The following UMODL1 variants were observed in gnomAD, a reference collection of about 807,000 sequenced individuals.
UMODL1 encodes uromodulin like 1.
UMODL1 carries 128 observed loss-of-function variants against 136.3 expected under a neutral mutation model. That is an observed-to-expected ratio of 0.94 (90% CI 0.81 to 1.09). The LOEUF is 1.09. Among genes scored for constraint, UMODL1 ranks in the 50% least tolerant of loss-of-function variants. The pLI is 0.00. For missense variants in UMODL1, 1,766 were observed against 1,725.6 expected, an observed-to-expected ratio of 1.02 and a Z score of -0.41; for synonymous variants, 721 against 720.0, an observed-to-expected ratio of 1.00 and a Z score of -0.02.
chr21:42,125,479 C>CTT (rs1447792453), intron 17 of UMODL1, among the ~76,000 whole-genome samples: 2 of 152,214 alleles, frequency 1.3e-5, no homozygotes, highest in Admixed American at 6.5e-5. Context: ...CCTCCCTGGG[C>CTT]TGAAGGAGTA....
chr21:42,140,479 A>G (rs915471132), intron 22 of UMODL1, among the ~76,000 whole-genome samples: 4 of 152,038 alleles, frequency 2.6e-5, no homozygotes, highest in Non-Finnish European at 1.5e-5. Flanking sequence ...CTGGGGCTGC[A>G]TGGGATTTCC....
Position 42,141,832 on chromosome 21 carries a change from A to G in UMODL1, c.*22-264A>G, listed in dbSNP as rs2124343. On this transcript the variant is annotated intron_variant, in intron 22 of 22. Transcript: ENST00000408910. ...CCAGCTGTGCTCGTCTGGCTCAGGT[A>G]TCTTCACCAGCCACCCCCACCAGTT... 3.8e-3 allele frequency among the ~76,000 whole-genome samples: 573 copies of G among 152,060 alleles called. 3 individuals are homozygous for G. Among genetic ancestry groups the G allele is most frequent in the African/African-American group, 0.013 (547 of 41,464 alleles).
At chr21:42,078,447 G>A (rs111603693) in intron 2 of UMODL1, among the ~76,000 whole-genome samples, 29 of 38,766 alleles carry the variant, frequency 7.5e-4, no homozygotes, top group Admixed American at 1.2e-3. Context: ...GAAACCAGGC[G>A]GGGCCAGCTG....
chr21:42,122,666 T>C lies in UMODL1; in HGVS notation c.2828-165T>C, dbSNP rs1047862901. Among the ~76,000 whole-genome samples, 2 of 137,126 alleles carry C rather than the reference T, an allele frequency of 1.5e-5. No individual in the cohort carries two copies. The highest frequency in any genetic ancestry group is 3.0e-5 in the African/African-American group (1 of 33,678). 90.0% of individuals were successfully genotyped at this position (137,126 alleles called of 152,430 possible). The stretch of plus-strand genomic sequence containing the variant: ...ACGTGTGTGTGCATATGTGTGCGTG[T>C]GTGTGTGTGTGTGTGCACGTGTGTA... On this transcript the variant is annotated intron_variant, in intron 16 of 22. Coordinates refer to ENST00000408910, the MANE Select transcript of UMODL1 (RefSeq NM_001004416.3). This position sits in a 1 kb window ranked among gnomAD's most constrained non-coding sequence, Gnocchi z 4.3.
At chr21:42,071,186 C>A, upstream of UMODL1, 1 of 959,198 alleles carries the variant, frequency 1.0e-6, no homozygotes, top group East Asian at 3.2e-5. Flanking sequence ...TTGCCACCTG[C>A]AGCAGCACAG....
intron 22 of UMODL1, among the ~76,000 whole-genome samples, chr21:42,138,547 C>T (rs2067238955): frequency 6.6e-6 from 1 of 152,142 alleles, no homozygotes; most frequent in Middle Eastern, 3.4e-3. Context: ...GTGGGAAACA[C>T]CAAGACTGGG....
intron 2 of UMODL1, among the ~76,000 whole-genome samples, chr21:42,083,848 A>T (rs948274429): frequency 1.3e-5 from 2 of 152,210 alleles, no homozygotes; most frequent in Non-Finnish European, 2.9e-5. Context: ...AAACAGAGAC[A>T]CCTAGGACCC....
intron 17 of UMODL1, 42 bp from the exon 18 acceptor site, chr21:42,126,303 G>A (rs759116181): frequency 4.3e-6 from 7 of 1,610,302 alleles, no homozygotes; most frequent in African/African-American, 4.0e-5. Flanking sequence ...GTGGGGGGCC[G>A]GCTGGGGCCT....
At chr21:42,110,323 C>T (rs2066802628) in intron 10 of UMODL1, among the ~76,000 whole-genome samples, 2 of 152,232 alleles carry the variant, frequency 1.3e-5, no homozygotes, top group African/African-American at 4.8e-5. Flanking sequence ...GGCGCCCAGC[C>T]ACTGGCTTGC....
Position 42,109,613 on chromosome 21 carries a change from G to A in UMODL1, c.1571G>A (p.Trp524Ter). The change falls in exon 10 of 23, where the codon TGG becomes TAG. Residue 524 changes from tryptophan (W) to a stop codon, truncating the protein, a stop_gained. Coordinates refer to ENST00000408910, the MANE Select transcript of UMODL1 (RefSeq NM_001004416.3). LOFTEE classifies it high-confidence loss of function. Reference protein sequence around the residue: ...SAEHDCSPAAWCINLEGSYTC... With the variant: ...SAEHDCSPAA ...GAACACGACTGCTCACCGGCTGCCT[G>A]GTGCATCAACCTGGAGGGCTCCTAC... is the stretch of plus-strand genomic sequence containing the variant. 6.2e-7 allele frequency: 1 copy of A among 1,611,320 alleles called. No individual in the cohort carries two copies. The highest frequency in any genetic ancestry group is 8.5e-7 in the Non-Finnish European group (1 of 1,180,022).
At chr21:42,069,267 C>CACACACACAA (rs2066209068), upstream of UMODL1, among the ~76,000 whole-genome samples, 1 of 150,800 alleles carries the variant, frequency 6.6e-6, no homozygotes, top group South Asian at 2.1e-4. Context: ...CACACACACA[C>CACACACACAA]AAACAGCAGG....
chr21:42,091,644 C>T (rs553256645), intron 6 of UMODL1, among the ~76,000 whole-genome samples: 59 of 152,312 alleles, frequency 3.9e-4, no homozygotes, highest in African/African-American at 1.1e-3. Context: ...GGAAAGAAGA[C>T]GGAATCCAGA....
intron 22 of UMODL1, among the ~76,000 whole-genome samples, chr21:42,139,454 C>A (rs978753613): frequency 6.6e-6 from 1 of 152,048 alleles, no homozygotes; most frequent in Admixed American, 6.6e-5. Context: ...ATGAAGGATC[C>A]GCCCCATGAT....
intron 15 of UMODL1, 137 bp from the exon 16 acceptor site, chr21:42,120,950 T>C: frequency 8.9e-7 from 1 of 1,126,426 alleles, no homozygotes; most frequent in South Asian, 1.6e-5. Context: ...TTTCCAGAAC[T>C]GGTGAGCTTG....
In UMODL1 at chr21:42,127,158, A is replaced by G; in HGVS notation, c.3446A>G (p.Asn1149Ser). The G allele has an allele frequency of 6.2e-7, 1 of 1,614,156 alleles. No individual in the cohort carries two copies. The highest frequency in any genetic ancestry group is 1.1e-5 in the South Asian group (1 of 91,066). Residue 1149 changes from asparagine to serine, a missense_variant, in exon 19 of 23, where the codon AAC becomes AGC. Physicochemically the swap from Asn to Ser is conservative, Grantham distance 46. Transcript: ENST00000408910. ...IEVGLYRQKS[N>S]LKVVLTECWA... ...GTGGGGCTCTACAGGCAGAAAAGCA[A>G]CCTCAAGGTGGTCCTGACGGAGTGC...
intron 21 of UMODL1, among the ~76,000 whole-genome samples, chr21:42,131,936 A>G (rs1236311657): frequency 3.9e-5 from 6 of 152,230 alleles, no homozygotes; most frequent in Admixed American, 3.9e-4. Flanking sequence ...GTTCTCATTA[A>G]TAGATAATGT....
At chr21:42,103,408 C>T (rs538745409) in intron 8 of UMODL1, 6 of 337,472 alleles carry the variant, frequency 1.8e-5, no homozygotes, top group South Asian at 7.0e-5. Context: ...GCATGGGTAG[C>T]CCTAAGCACC....
At position 42,091,672 on chromosome 21, in the gene UMODL1, G is replaced by A. The variant is rs143870658; in HGVS notation, c.931+1234G>A. On this transcript the variant is annotated intron_variant, in intron 6 of 22. Coordinates refer to ENST00000408910, the MANE Select transcript of UMODL1 (RefSeq NM_001004416.3). The stretch of plus-strand genomic sequence containing the variant: ...AATCCAGATGTCTTGACTGAACAGT[G>A]GAGTAGAAGGTGTTTCCATTGGAGA... 4.9e-3 allele frequency among the ~76,000 whole-genome samples: 746 copies of A among 152,370 alleles called. 5 individuals carry two copies. The highest frequency in any genetic ancestry group is 0.01 in the Middle Eastern group (3 of 294).
rs144431927 is a variant in UMODL1 at position 42,134,677 on chromosome 21, C to T, written c.3776-2762C>T. Reference sequence around the variant, plus strand: ...TTGCCCAGGCTGGAGTGCAGTGGTGCGATCTCGGCTCACTGCAGCTTCTGC... The same window carrying T: ...TTGCCCAGGCTGGAGTGCAGTGGTGTGATCTCGGCTCACTGCAGCTTCTGC... On this transcript the variant is annotated intron_variant, in intron 21 of 22. Transcript: ENST00000408910. 1.0e-3 allele frequency among the ~76,000 whole-genome samples: 157 copies of T among 152,068 alleles called. 1 individual carries two copies. The highest frequency in any genetic ancestry group is 3.4e-3 in the African/African-American group (142 of 41,470).
Sources: gnomAD v4.1 joint callset for allele counts (sites outside exome capture counted in the v4.1 genomes callset) on GRCh38, gnomAD v4.1.1 for gene constraint, Gnocchi (gnomAD v3.1) non-coding constraint, MANE v1.5 for transcripts, NCBI Gene and HGNC (gene_info 2026-07-23, HGNC 2026-07-21) for gene names.